Variants in PLPP5 observed in about 807,000 individuals in gnomAD.
The protein encoded by PLPP5 is phospholipid phosphatase 5.
Under a neutral mutation model 23.6 loss-of-function variants are expected in PLPP5, and 29 were observed. The ratio of observed to expected loss-of-function variants is 1.23; its 90% CI spans 0.92 to 1.68. The LOEUF is 1.68. Among genes scored for constraint, PLPP5 ranks in the 40% most tolerant of loss-of-function variants. The pLI, the probability that PLPP5 is intolerant of heterozygous loss-of-function variation, is 0.00. For synonymous variants in PLPP5, 143 were observed against 131.3 expected, an observed-to-expected ratio of 1.09 and a Z score of -0.61; for missense variants, 315 against 332.1, an observed-to-expected ratio of 0.95 and a Z score of 0.40.
At chr8:38,268,058 A>G (rs1807953556) in intron 3 of PLPP5, 98 bp from the exon 4 acceptor site, 2 of 1,587,362 alleles carry the variant, frequency 1.3e-6, no homozygotes, top group African/African-American at 1.3e-5. Context: ...TGAGATGGAT[A>G]GAATCCAACC....
chr8:38,263,227 A>G lies in PLPP5; in HGVS notation c.*1217T>C, dbSNP rs1807172997. 2 of 185,608 alleles carry G rather than the reference A, an allele frequency of 1.1e-5. No individual in the cohort carries two copies. The highest frequency in any genetic ancestry group is 6.5e-5 in the Admixed American group (1 of 15,330). The allele number at this position is 185,608 out of a possible 1,614,324, so 11.5% of individuals were successfully genotyped here. Reference sequence around the variant, plus strand: ...ATGTCATATTTAAAGTATAATCACAATAAAGAGAAAGGGAGCTGTAGGTCC... The same window carrying G: ...ATGTCATATTTAAAGTATAATCACAGTAAAGAGAAAGGGAGCTGTAGGTCC... On this transcript the variant is annotated 3_prime_UTR_variant, in exon 7 of 7. Coordinates refer to ENST00000424479, the MANE Select transcript of PLPP5 (RefSeq NM_001102559.2).
intron 4 of PLPP5, 186 bp from the exon 5 acceptor site, chr8:38,267,577 G>A: frequency 1.4e-6 from 1 of 703,080 alleles, no homozygotes; most frequent in Non-Finnish European, 2.3e-6. Context: ...TAAATTAGGG[G>A]AAAAACGCCC....
intron 3 of PLPP5, 200 bp downstream of exon 3, chr8:38,268,171 T>G (rs901637117): frequency 3.3e-5 from 41 of 1,260,708 alleles, no homozygotes; most frequent in Non-Finnish European, 4.4e-5. Flanking sequence ...AATAACCCAG[T>G]GCATTTAGGC....
At chr8:38,267,768 A>G in intron 4 of PLPP5, 129 bp downstream of exon 4, 2 of 1,014,762 alleles carry the variant, frequency 2.0e-6, no homozygotes, top group Non-Finnish European at 1.5e-6. Flanking sequence ...GTTGAATGAC[A>G]AAAGAAAAAT....
At chr8:38,268,137 G>A (rs1807980643) in intron 3 of PLPP5, 177 bp from the exon 4 acceptor site, 1 of 1,396,360 alleles carries the variant, frequency 7.2e-7, no homozygotes, top group African/African-American at 1.4e-5. Context: ...TTTTGTACTA[G>A]GCCAAAGACA....
At position 38,264,504 on chromosome 8, in the gene PLPP5, T is replaced by G; in HGVS notation, c.735A>C (p.Gln245His). 6.4e-7 allele frequency: 1 copy of G among 1,556,686 alleles called. No homozygotes were observed. Among genetic ancestry groups the G allele is most frequent in the Non-Finnish European group, 8.7e-7 (1 of 1,149,324 alleles). The change falls in exon 7 of 7, where the codon CAA becomes CAC. Residue 245 changes from glutamine to histidine, a missense_variant. Transcript: ENST00000424479. ...LTDAECHKPF[Q>H]DKLVLSTAQK... ...GTGCAGTGGAAAGTACAAGTTTGTC[T>G]TGAAATGGTTTATGGCATTCTGCAT...
Position 38,268,900 on chromosome 8 carries a change from G to A in PLPP5, c.165C>T (p.Phe55=), listed in dbSNP as rs374355931. The A allele has an allele frequency of 9.0e-6, 14 of 1,557,224 alleles. No individual in the cohort carries two copies. Among genetic ancestry groups the A allele is most frequent in the Non-Finnish European group, 1.1e-5 (13 of 1,156,204 alleles). The change falls in exon 2 of 7, where the codon TTC becomes TTT. Residue 55 remains phenylalanine (F), a synonymous_variant. Coordinates refer to ENST00000424479, the MANE Select transcript of PLPP5 (RefSeq NM_001102559.2). ...YRNPYVEAEY[F]PTKPMFVIAF... is the part of the protein sequence containing the mutation. ...CACGCACAAACATCGGCTTGGTGGGGAAATACTCCGCCTCCACGTAGGGGT... is the reference window on the plus strand; with the variant it reads ...CACGCACAAACATCGGCTTGGTGGGAAAATACTCCGCCTCCACGTAGGGGT...
intron 3 of PLPP5, 32 bp from the exon 4 acceptor site, chr8:38,267,992 T>C (rs1324664642): frequency 1.2e-6 from 2 of 1,613,948 alleles, no homozygotes. Flanking sequence ...TGAAAGGATC[T>C]GTCTAGGAGG....
intron 4 of PLPP5, 197 bp from the exon 5 acceptor site, chr8:38,267,588 A>C (rs1441754415): frequency 1.5e-6 from 1 of 668,204 alleles, no homozygotes; most frequent in Non-Finnish European, 2.5e-6. Flanking sequence ...AAAAACGCCC[A>C]TTCCAGCACA....
rs745778647 is a variant in PLPP5 at position 38,268,899 on chromosome 8, G to A, written c.166C>T (p.Pro56Ser). Residue 56 changes from proline to serine, a missense_variant, in exon 2 of 7, where the codon CCC becomes TCC. By Grantham distance (74) the Pro-to-Ser change is moderately conservative. Coordinates refer to ENST00000424479, the MANE Select transcript of PLPP5 (RefSeq NM_001102559.2). ...CCACGCACAAACATCGGCTTGGTGG[G>A]GAAATACTCCGCCTCCACGTAGGGG... is the stretch of plus-strand genomic sequence containing the variant. ...RNPYVEAEYF[P>S]TKPMFVIAFL... is the part of the protein sequence containing the mutation. The A allele has an allele frequency of 3.2e-6, 5 of 1,556,536 alleles. No homozygotes were observed. The highest frequency in any genetic ancestry group is 1.2e-5 in the South Asian group (1 of 83,772).
In PLPP5 at chr8:38,263,821, G is replaced by T; in HGVS notation, c.*623C>A. On this transcript the variant is annotated 3_prime_UTR_variant, in exon 7 of 7. Transcript: ENST00000424479. Reference sequence around the variant, plus strand: ...TGGGGCTATGTAAAGGCTTCTTTGTGACAAGATCCTTCTAAGAATGGCATT... The same window carrying T: ...TGGGGCTATGTAAAGGCTTCTTTGTTACAAGATCCTTCTAAGAATGGCATT... 2.0e-6 allele frequency: 2 copies of T among 984,884 alleles called. No individual in the cohort carries two copies. The highest frequency in any genetic ancestry group is 1.2e-6 in the Non-Finnish European group (1 of 829,466). The allele number at this position is 984,884 out of a possible 1,614,324, so 61.0% of individuals were successfully genotyped here.
Position 38,264,486 on chromosome 8 carries a change from G to A in PLPP5, c.753C>T (p.Ser251=), listed in dbSNP as rs765936001. ...AAGAATCCCCAGGCTTCTGTGCAGTGGAAAGTACAAGTTTGTCTTGAAATG... is the reference window on the plus strand; with the variant it reads ...AAGAATCCCCAGGCTTCTGTGCAGTAGAAAGTACAAGTTTGTCTTGAAATG... ...HKPFQDKLVL[S]TAQKPGDSYC... is the part of the protein sequence containing the mutation. The change falls in exon 7 of 7, where the codon TCC becomes TCT. Residue 251 remains serine, a synonymous_variant. Transcript: ENST00000424479. The A allele has an allele frequency of 1.3e-6, 2 of 1,553,162 alleles. No homozygotes were observed. Among genetic ancestry groups the A allele is most frequent in the Admixed American group, 2.0e-5 (1 of 51,032 alleles).
Position 38,268,893 on chromosome 8 carries a change from TGGTGGGGAAATACTCC to T in PLPP5, c.156_171del (p.Glu53SerfsTer14). On this transcript the variant is annotated frameshift_variant, in exon 2 of 7. Transcript: ENST00000424479. LOFTEE classifies it high-confidence loss of function. Reference sequence around the variant, plus strand: ...CTTTCTCCACGCACAAACATCGGCTTGGTGGGGAAATACTCCGCCTCCACGTAGGGGTTCCGGTAGA... The same window carrying T: ...CTTTCTCCACGCACAAACATCGGCTTGCCTCCACGTAGGGGTTCCGGTAGA... 1 of 1,552,564 alleles carries T rather than the reference TGGTGGGGAAATACTCC, an allele frequency of 6.4e-7. No individual in the cohort carries two copies. The highest frequency in any genetic ancestry group is 1.4e-5 in the African/African-American group (1 of 71,534).
Position 38,264,224 on chromosome 8 carries a change from T to G in PLPP5, c.*220A>C. ...GTGCAGTGGTGCGATCTCGGCTCAC[T>G]GGAACCTCCAGCTCCCAGGTTCAAG... On this transcript the variant is annotated 3_prime_UTR_variant, in exon 7 of 7. Transcript: ENST00000424479. 1 of 876,002 alleles carries G rather than the reference T, an allele frequency of 1.1e-6. No individual in the cohort carries two copies. The highest frequency in any genetic ancestry group is 1.5e-6 in the Non-Finnish European group (1 of 673,722). 54.3% of individuals were successfully genotyped at this position (876,002 alleles called of 1,614,324 possible).
intron 6 of PLPP5, chr8:38,265,425 C>G (rs1032586772): frequency 6.6e-6 from 1 of 152,344 alleles, no homozygotes; most frequent in African/African-American, 2.4e-5. Context: ...TCCCAAGTAG[C>G]TGGGATTAAA....
chr8:38,267,460 CATT>C, intron 4 of PLPP5, 69 bp from the exon 5 acceptor site: 1 of 1,574,740 alleles, frequency 6.4e-7, no homozygotes, highest in Non-Finnish European at 8.6e-7. Flanking sequence ...TTGTAGCAGA[CATT>C]AATAATCCTG....
rs746216018 is a variant in PLPP5, at chr8:38,268,917, CGTAG to C, written c.144_147del (p.Tyr49TrpfsTer22). ...TTGGTGGGGAAATACTCCGCCTCCA[CGTAG>C]GGGTTCCGGTAGAGCCACATCTCCT... On this transcript the variant is annotated frameshift_variant, in exon 2 of 7. Coordinates refer to ENST00000424479, the MANE Select transcript of PLPP5 (RefSeq NM_001102559.2). LOFTEE classifies it high-confidence loss of function. The C allele has an allele frequency of 1.3e-6, 2 of 1,559,690 alleles. No homozygotes were observed. Among genetic ancestry groups the C allele is most frequent in the African/African-American group, 2.8e-5 (2 of 71,392 alleles).
intron 2 of PLPP5, 104 bp downstream of exon 2, chr8:38,268,778 G>C: frequency 6.9e-7 from 1 of 1,441,040 alleles, no homozygotes; most frequent in Non-Finnish European, 9.1e-7. Flanking sequence ...GCAGCGGAGT[G>C]GGCAGTGGGT....
intron 6 of PLPP5, 135 bp downstream of exon 6, chr8:38,266,006 G>T: frequency 1.4e-6 from 1 of 703,856 alleles, no homozygotes; most frequent in Non-Finnish European, 2.3e-6. Flanking sequence ...AATGTACTTA[G>T]TACAGAACCC....
Sources: allele counts gnomAD v4.1 joint callset, GRCh38; gene constraint gnomAD v4.1.1; transcripts MANE v1.5; gene names NCBI Gene and HGNC (gene_info 2026-07-23, HGNC 2026-07-21).